PER2: variants seen among roughly 807,000 people sequenced by gnomAD.
PER2 encodes the protein period circadian regulator 2.
PER2 carries 66 observed loss-of-function variants against 121.0 expected under a neutral mutation model. The ratio of observed to expected loss-of-function variants is 0.55; its 90% CI spans 0.45 to 0.67. The LOEUF is 0.67. PER2 is among the 30% of genes least tolerant of loss of function. PER2 has a pLI of 0.00. For synonymous variants in PER2, 684 were observed against 659.9 expected (o/e 1.04, Z -0.56); for missense variants, 1,521 against 1,635.0 (o/e 0.93, Z 1.20).
At chr2:238,256,570 A>G (rs1695765701) in intron 17 of PER2, among the ~76,000 whole-genome samples, 1 of 152,226 alleles carries the variant, frequency 6.6e-6, no homozygotes, top group Non-Finnish European at 1.5e-5. Context: ...GGGCAGAGGA[A>G]AGAACCCCAG....
chr2:238,250,827 G>A, intron 20 of PER2, 84 bp from the exon 21 acceptor site: 1 of 949,860 alleles, frequency 1.1e-6, no homozygotes, highest in Admixed American at 1.9e-5. Flanking sequence ...AAGTCAGAAT[G>A]ATTTGAGAGA....
intron 18 of PER2, chr2:238,254,040 T>G (rs889613538): frequency 3.1e-6 from 1 of 318,746 alleles, no homozygotes; most frequent in Non-Finnish European, 5.9e-6. Flanking sequence ...AAAGCTGTCA[T>G]GTCTCTGCTG....
intron 1 of PER2, among the ~76,000 whole-genome samples, chr2:238,284,914 T>G (rs984284820): frequency 6.6e-6 from 1 of 151,904 alleles, no homozygotes; most frequent in African/African-American, 2.4e-5. Context: ...CCTGTCAAAG[T>G]GGACTTTGCC....
chr2:238,277,846 C>T lies in PER2; in HGVS notation c.91G>A (p.Asp31Asn), dbSNP rs200062873. The T allele has an allele frequency of 1.2e-5, 19 of 1,614,114 alleles. No homozygotes were observed. The highest frequency in any genetic ancestry group is 5.1e-6 in the Non-Finnish European group (6 of 1,180,050). The change falls in exon 2 of 23, where the codon GAT becomes AAT. Residue 31 changes from aspartate (D) to asparagine (N), a missense_variant. Asp to Asn is a conservative substitution (Grantham distance 23). Transcript: ENST00000254657. ...PQPSQVPLQE[D>N]VDMSSGSSGH... ...CTGGAGCCACTGCTCATGTCCACAT[C>T]TTCCTGCAGTGGGACCTGGCTGGGC...
intron 4 of PER2, 129 bp downstream of exon 4, chr2:238,275,614 A>T (rs1696427781): frequency 2.9e-6 from 3 of 1,021,710 alleles, no homozygotes; most frequent in Non-Finnish European, 4.6e-6. Flanking sequence ...GCTTAAGCCC[A>T]GAAGTCAAGG....
chr2:238,258,427 G>A (rs756222996), intron 15 of PER2, 27 bp from the exon 16 acceptor site: 3 of 1,614,052 alleles, frequency 1.9e-6, no homozygotes, highest in African/African-American at 2.7e-5. Flanking sequence ...AACCACTGGT[G>A]AGGCCACACA....
rs144578923 is a variant in PER2 at position 238,262,295 on chromosome 2, G to A, written c.1203C>T (p.Arg401=). The change falls in exon 11 of 23, where the codon CGC becomes CGT. Residue 401 remains arginine (R), a synonymous_variant. Coordinates refer to ENST00000254657, the MANE Select transcript of PER2 (RefSeq NM_022817.3). ...ACGTGATGTACTCTCCGTTCCGGGC[G>A]CGAAACCGAATGGGAGAATAGTCGA... is the stretch of plus-strand genomic sequence containing the variant. The part of the protein sequence containing the change: ...QPFDYSPIRF[R]ARNGEYITLD... The A allele has an allele frequency of 3.6e-5, 58 of 1,613,796 alleles. No individual in the cohort carries two copies. The highest frequency in any genetic ancestry group is 1.6e-4 in the Middle Eastern group (1 of 6,084).
chr2:238,295,919 G>T, the PER2 span: 1 of 225,216 alleles, frequency 4.4e-6, no homozygotes, highest in Non-Finnish European at 9.0e-6. Context: ...CTCTTTGCAA[G>T]CACGGATGGT....
In PER2 at chr2:238,258,275, C is replaced by T. The variant is rs1695820972; in HGVS notation, c.1900+1G>A. 1 of 1,614,186 alleles carries T rather than the reference C, an allele frequency of 6.2e-7. No individual in the cohort carries two copies. The highest frequency in any genetic ancestry group is 8.5e-7 in the Non-Finnish European group (1 of 1,180,008). On this transcript the variant is annotated splice_donor_variant, in intron 16 of 22. Transcript: ENST00000254657. LOFTEE classifies it high-confidence loss of function. ...TACATGGCTCTACACAGATTAGATA[C>T]CTCCAGCGTGTGGCCCTGGGCTGAC... is the stretch of plus-strand genomic sequence containing the variant.
At chr2:238,274,497 AAG>A (rs1309847534) in intron 4 of PER2, among the ~76,000 whole-genome samples, 1 of 152,248 alleles carries the variant, frequency 6.6e-6, no homozygotes, top group East Asian at 1.9e-4. Context: ...CTCTGAAATC[AAG>A]ATATAAACTG....
upstream of PER2, among the ~76,000 whole-genome samples, chr2:238,294,698 C>A (rs1226333742): frequency 6.6e-6 from 1 of 152,180 alleles, no homozygotes; most frequent in African/African-American, 2.4e-5. Context: ...AAGGAGAAAC[C>A]ACCTTTGTCT....
intron 1 of PER2, among the ~76,000 whole-genome samples, chr2:238,285,868 T>C (rs1157541387): frequency 1.5e-5 from 2 of 132,648 alleles, no homozygotes; most frequent in South Asian, 2.2e-4. Flanking sequence ...ACCCCAAATA[T>C]TCTAACATGT....
At chr2:238,285,369 G>A (rs577839249) in intron 1 of PER2, among the ~76,000 whole-genome samples, 1 of 152,124 alleles carries the variant, frequency 6.6e-6, no homozygotes, top group Non-Finnish European at 1.5e-5. Context: ...GTGGGGCCAG[G>A]AGCAGAGACT....
rs1430766589 is a variant in PER2, at chr2:238,262,189, AC to A, written c.1307+1del. 4 of 1,613,368 alleles carry A rather than the reference AC, an allele frequency of 2.5e-6. No individual in the cohort carries two copies. The highest frequency in any genetic ancestry group is 3.4e-6 in the Non-Finnish European group (4 of 1,179,938). ...GCCACCTCGGGCCCTTGGAGCACTC[AC>A]ACCCTGACTTTGTGCCTCCCAATGA... is the stretch of plus-strand genomic sequence containing the variant. On this transcript the variant is annotated splice_donor_variant, in intron 11 of 22. Coordinates refer to ENST00000254657, the MANE Select transcript of PER2 (RefSeq NM_022817.3). LOFTEE classifies it high-confidence loss of function.
At chr2:238,290,884 G>T (rs1290687974), upstream of PER2, among the ~76,000 whole-genome samples, 1 of 152,214 alleles carries the variant, frequency 6.6e-6, no homozygotes, top group African/African-American at 2.4e-5. Flanking sequence ...CTCCATCCCA[G>T]CTCCAACAGA....
intron 22 of PER2, 44 bp downstream of exon 22, chr2:238,249,018 G>A (rs1329804006): frequency 1.3e-6 from 2 of 1,597,954 alleles, no homozygotes; most frequent in Non-Finnish European, 8.6e-7. Flanking sequence ...CCCCATCACA[G>A]AGCCTTTTAG....
Position 238,255,731 on chromosome 2 carries a change from C to T in PER2, c.2246G>A (p.Arg749Lys), listed in dbSNP as rs752531282. 1 of 1,614,218 alleles carries T rather than the reference C, an allele frequency of 6.2e-7. No individual in the cohort carries two copies. The highest frequency in any genetic ancestry group is 2.2e-5 in the East Asian group (1 of 44,884). Residue 749 changes from arginine (R) to lysine (K), a missense_variant, in exon 18 of 23, where the codon AGA becomes AAA. Coordinates refer to ENST00000254657, the MANE Select transcript of PER2 (RefSeq NM_022817.3). ...GTGGGACTGGAAAATGCTGAGTTTT[C>T]TTATTTCTTTGAACTTCTGCAGGAA... ...QSFLQKFKEI[R>K]KLSIFQSHCH...
chr2:238,261,055 C>T (rs546104691), intron 12 of PER2, 102 bp from the exon 13 acceptor site: 14 of 1,393,246 alleles, frequency 1.0e-5, no homozygotes, highest in African/African-American at 1.4e-5. Flanking sequence ...GATGGCGACC[C>T]GCCTAAGGCT....
chr2:238,255,547 G>A lies in PER2; in HGVS notation c.2320+110C>T. On this transcript the variant is annotated intron_variant, in intron 18 of 22. Transcript: ENST00000254657. ...GGAAGTTCCAACAGCTGTCTTATAT[G>A]TTAATGCTTCTGAAACTGGACACAT... 5.3e-6 allele frequency: 6 copies of A among 1,138,310 alleles called. No homozygotes were observed. In the South Asian group the frequency reaches 6.2e-5, roughly 12 times the overall value. 70.5% of individuals were successfully genotyped at this position (1,138,310 alleles called of 1,614,324 possible).
Sources: allele counts gnomAD v4.1 joint callset (sites outside exome capture counted in the v4.1 genomes callset), GRCh38; gene constraint gnomAD v4.1.1; transcripts MANE v1.5; gene names NCBI Gene and HGNC (gene_info 2026-07-23, HGNC 2026-07-21).